The following SGCZ variants were observed in gnomAD, a reference collection of about 807,000 sequenced individuals.
SGCZ encodes the protein sarcoglycan zeta.
Under a neutral mutation model 41.3 loss-of-function variants are expected in SGCZ, and 40 were observed. The ratio of observed to expected loss-of-function variants is 0.97; its 90% CI spans 0.75 to 1.26. The LOEUF (loss-of-function observed/expected upper bound fraction) is 1.26, where lower values mean the gene tolerates loss of function less well. SGCZ is among the 50% of genes most tolerant of loss of function. The probability of loss-of-function intolerance (pLI) is 0.00; values close to 1 mark genes in which losing one functional copy is unlikely to be tolerated. For missense variants in SGCZ, 552 were observed against 369.8 expected, an observed-to-expected ratio of 1.49 and a Z score of -4.04; for synonymous variants, 206 against 137.5, an observed-to-expected ratio of 1.50 and a Z score of -3.49.
At chr8:14,895,713 T>G (rs73666923) in intron 1 of SGCZ, among the ~76,000 whole-genome samples, 4,224 of 152,300 alleles carry the variant, frequency 0.028, 206 homozygotes, top group African/African-American at 0.097. Flanking sequence ...CTTTGCTATG[T>G]TCTTTTCGAA....
At chr8:14,155,823 A>C (rs1041809074) in intron 5 of SGCZ, among the ~76,000 whole-genome samples, 12 of 152,092 alleles carry the variant, frequency 7.9e-5, no homozygotes, top group African/African-American at 2.9e-4. Context: ...TGCAAACATC[A>C]CAGAGTGTAT....
At chr8:14,718,200 G>C (rs1456999492) in intron 1 of SGCZ, among the ~76,000 whole-genome samples, 2 of 151,672 alleles carry the variant, frequency 1.3e-5, no homozygotes, top group East Asian at 3.9e-4. Context: ...AAAAACTGTG[G>C]TGTTTTTAAA....
intron 1 of SGCZ, among the ~76,000 whole-genome samples, chr8:15,210,806 A>T (rs1801211756): frequency 6.6e-6 from 1 of 152,220 alleles, no homozygotes; most frequent in Non-Finnish European, 1.5e-5. Context: ...ACTCTCTGAA[A>T]GCAATCTCCT....
At chr8:14,640,175 A>C (rs1806975333) in intron 1 of SGCZ, among the ~76,000 whole-genome samples, 1 of 150,818 alleles carries the variant, frequency 6.6e-6, no homozygotes, top group Admixed American at 6.6e-5. Flanking sequence ...TGGGAAGAAT[A>C]GTAAAAGCAA....
At chr8:14,796,863 C>A (rs1801149973) in intron 1 of SGCZ, among the ~76,000 whole-genome samples, 1 of 152,160 alleles carries the variant, frequency 6.6e-6, no homozygotes, top group Non-Finnish European at 1.5e-5. Context: ...TAAGTACCCA[C>A]AAGATCTGAT....
chr8:14,694,761 A>G (rs1268907613), intron 1 of SGCZ, among the ~76,000 whole-genome samples: 5 of 152,208 alleles, frequency 3.3e-5, no homozygotes, highest in Admixed American at 3.3e-4. Flanking sequence ...ATATTTATTT[A>G]TCAAAAATGT....
chr8:14,510,325 A>G (rs115395396), intron 2 of SGCZ, among the ~76,000 whole-genome samples: 2,213 of 152,228 alleles, frequency 0.015, 51 homozygotes, highest in African/African-American at 0.05. Context: ...CTAGCTAGAT[A>G]GGTTCTCACA....
intron 2 of SGCZ, among the ~76,000 whole-genome samples, chr8:14,492,062 C>A (rs547834274): frequency 1.3e-5 from 2 of 151,936 alleles, no homozygotes; most frequent in African/African-American, 4.8e-5. Flanking sequence ...GAATAAAAAA[C>A]GAGAAATGAA....
chr8:15,064,925 T>C (rs1409079426), intron 1 of SGCZ, among the ~76,000 whole-genome samples: 2 of 152,204 alleles, frequency 1.3e-5, no homozygotes, highest in Non-Finnish European at 2.9e-5. Flanking sequence ...CTATGTCTAC[T>C]TGACATCAGT....
intron 1 of SGCZ, among the ~76,000 whole-genome samples, chr8:14,872,126 T>C (rs1375758450): frequency 6.6e-6 from 1 of 151,566 alleles, no homozygotes; most frequent in African/African-American, 2.4e-5. Flanking sequence ...AATGAGAACA[T>C]ATGGAAACAG....
chr8:14,822,387 A>G (rs544636035), intron 1 of SGCZ, among the ~76,000 whole-genome samples: 53 of 152,336 alleles, frequency 3.5e-4, no homozygotes, highest in African/African-American at 1.3e-3. Flanking sequence ...TGGAAGAATT[A>G]ACATTGTTAA....
At chr8:14,225,773 T>C (rs1015754816) in intron 4 of SGCZ, among the ~76,000 whole-genome samples, 1 of 152,054 alleles carries the variant, frequency 6.6e-6, no homozygotes, top group Non-Finnish European at 1.5e-5. Context: ...CTGGAAATTA[T>C]TTGGAAATAA....
At chr8:15,147,749 T>A (rs1426618217) in intron 1 of SGCZ, among the ~76,000 whole-genome samples, 3 of 151,902 alleles carry the variant, frequency 2.0e-5, no homozygotes, top group African/African-American at 7.3e-5. Context: ...GCAGAAGGGG[T>A]TCTGAGAAGG....
chr8:14,415,235 C>G lies in SGCZ; in HGVS notation c.235-91031G>C, dbSNP rs545921437. ...TCATTTAAATATAAATACATGTTTTCAATCATATAAGTTCCAAAATTGCAT... is the reference window on the plus strand; with the variant it reads ...TCATTTAAATATAAATACATGTTTTGAATCATATAAGTTCCAAAATTGCAT... On this transcript the variant is annotated intron_variant, in intron 2 of 7. Transcript: ENST00000382080. 1.9e-4 allele frequency among the ~76,000 whole-genome samples: 29 copies of G among 151,900 alleles called. No homozygotes were observed. The East Asian group carries it at 4.4e-3, about 23-fold the overall frequency.
At position 15,090,818 on chromosome 8, in the gene SGCZ, A is replaced by C. The variant is rs561327671; in HGVS notation, c.39+146767T>G. Among the ~76,000 whole-genome samples, 25 of 152,318 alleles carry C rather than the reference A, an allele frequency of 1.6e-4. No homozygotes were observed. In the South Asian group the frequency reaches 2.7e-3, roughly 16 times the overall value. On this transcript the variant is annotated intron_variant, in intron 1 of 7. Coordinates refer to ENST00000382080, the MANE Select transcript of SGCZ (RefSeq NM_139167.4). ...CAAACAGGTGTGTGGAAATCTCAAGAGTGAAAGGTTGCCCAGTTAATCTAA... is the reference window on the plus strand; with the variant it reads ...CAAACAGGTGTGTGGAAATCTCAAGCGTGAAAGGTTGCCCAGTTAATCTAA...
chr8:14,412,884 T>G (rs887643704), intron 2 of SGCZ, among the ~76,000 whole-genome samples: 4 of 152,098 alleles, frequency 2.6e-5, no homozygotes, highest in African/African-American at 9.6e-5. Context: ...TAATAAATAT[T>G]TGTCTGGTAT....
At chr8:14,720,448 A>G (rs1809845856) in intron 1 of SGCZ, among the ~76,000 whole-genome samples, 1 of 152,128 alleles carries the variant, frequency 6.6e-6, no homozygotes, top group Non-Finnish European at 1.5e-5. Flanking sequence ...ATATAGTAGT[A>G]TTGCCAATAT....
At chr8:14,782,803 AT>A (rs1420509567) in intron 1 of SGCZ, among the ~76,000 whole-genome samples, 1 of 152,212 alleles carries the variant, frequency 6.6e-6, no homozygotes, top group African/African-American at 2.4e-5. Context: ...AATATGATGC[AT>A]TTCACAGACA....
intron 1 of SGCZ, among the ~76,000 whole-genome samples, chr8:14,749,844 T>G (rs2130312111): frequency 6.6e-6 from 1 of 152,244 alleles, no homozygotes; most frequent in South Asian, 2.1e-4. Flanking sequence ...AAACACATTT[T>G]ATCCTTGAAA....
Sources: gnomAD v4.1 joint callset for allele counts (sites outside exome capture counted in the v4.1 genomes callset) on GRCh38, gnomAD v4.1.1 for gene constraint, MANE v1.5 for transcripts, NCBI Gene and HGNC (gene_info 2026-07-23, HGNC 2026-07-21) for gene names.